The following AHCY variants were observed in gnomAD, a reference collection of about 807,000 sequenced individuals.
AHCY encodes the protein S-adenosyl-L-homocysteine hydrolase.
Under a neutral mutation model 45.4 loss-of-function variants are expected in AHCY, and 24 were observed. The ratio of observed to expected loss-of-function variants is 0.53; its 90% CI spans 0.38 to 0.74. The LOEUF is 0.74. Among genes scored for constraint, AHCY ranks in the 30% least tolerant of loss-of-function variants. The probability of loss-of-function intolerance (pLI) is 0.00; values close to 1 mark genes in which losing one functional copy is unlikely to be tolerated. For missense variants in AHCY, 449 were observed against 594.1 expected, an observed-to-expected ratio of 0.76 and a Z score of 2.54; for synonymous variants, 245 against 235.1, an observed-to-expected ratio of 1.04 and a Z score of -0.39.
chr20:34,291,373 G>C (rs1190921798), intron 5 of AHCY, 46 bp downstream of exon 5: 3 of 1,539,598 alleles, frequency 1.9e-6, no homozygotes, highest in Non-Finnish European at 2.7e-6. Context: ...GCCTCGTCCT[G>C]AGCTGCAGCC....
At chr20:34,235,917 A>G in the AHCY span, among the ~76,000 whole-genome samples, 2 of 131,074 alleles carry the variant, frequency 1.5e-5, no homozygotes, top group East Asian at 4.8e-4. Flanking sequence ...GAAGGAAGGA[A>G]GGAAGGAAGG....
chr20:34,238,554 T>C, the AHCY span, among the ~76,000 whole-genome samples: 4 of 152,174 alleles, frequency 2.6e-5, no homozygotes, highest in Admixed American at 2.6e-4. Context: ...CCCCTTTTGC[T>C]TGTACTTGTT....
chr20:34,252,244 C>G, the AHCY span, among the ~76,000 whole-genome samples: 1 of 152,192 alleles, frequency 6.6e-6, no homozygotes, highest in Non-Finnish European at 1.5e-5. Flanking sequence ...GCTCAGTATA[C>G]AGAGGACCCG....
At chr20:34,302,709 C>T in intron 1 of AHCY, 2 of 988,166 alleles carry the variant, frequency 2.0e-6, no homozygotes, top group Non-Finnish European at 2.4e-6. Context: ...GTGGGGGACC[C>T]CACAGGTTGG....
the AHCY span, among the ~76,000 whole-genome samples, chr20:34,269,976 A>AAAAC: frequency 7.1e-6 from 1 of 141,352 alleles, no homozygotes; most frequent in African/African-American, 2.7e-5. Flanking sequence ...AAAAAAAAAA[A>AAAAC]AAACAAGAAA....
intron 5 of AHCY, 33 bp downstream of exon 5, chr20:34,291,385 CT>C: frequency 6.3e-7 from 1 of 1,580,588 alleles, no homozygotes; most frequent in Admixed American, 1.7e-5. Context: ...GCTGCAGCCA[CT>C]GTAGCGGGAG....
At chr20:34,283,983 G>A (rs144526699) in intron 9 of AHCY, among the ~76,000 whole-genome samples, 11 of 151,930 alleles carry the variant, frequency 7.2e-5, no homozygotes, top group African/African-American at 2.6e-4. Context: ...CAGGGTAAGG[G>A]ACAAAGCAAA....
At position 34,310,259 on chromosome 20, in the gene AHCY, C is replaced by CT. The variant is rs1191429195; in HGVS notation, c.-57+1212dup. ...TATTTTTAATAGAGATGGGGTTTCA[C>CT]TATGTTGGCCAGGCTGGTCTTGAAC... On this transcript the variant is annotated intron_variant, in intron 1 of 9. Transcript: ENST00000538132. 6.6e-5 allele frequency among the ~76,000 whole-genome samples: 10 copies of CT among 152,258 alleles called. No individual in the cohort carries two copies. The East Asian group carries it at 1.9e-3, about 29-fold the overall frequency.
the AHCY span, among the ~76,000 whole-genome samples, chr20:34,258,581 G>A: frequency 1.9e-4 from 26 of 140,310 alleles, no homozygotes; most frequent in Admixed American, 2.0e-3. Flanking sequence ...AAGCTTGGAT[G>A]GAATTTATTA....
In AHCY at chr20:34,290,450, C is replaced by T; in HGVS notation, c.855-1G>A. 1 of 1,614,160 alleles carries T rather than the reference C, an allele frequency of 6.2e-7. No individual in the cohort carries two copies. The highest frequency in any genetic ancestry group is 8.5e-7 in the Non-Finnish European group (1 of 1,180,004). On this transcript the variant is annotated splice_acceptor_variant, in intron 7 of 9. Transcript: ENST00000217426. LOFTEE classifies it high-confidence loss of function. The surrounding 1 kb of genome is among the most constrained non-coding windows in gnomAD (Gnocchi z 4.5). Reference sequence around the variant, plus strand: ...ATCATCCTTCATCTGCTCAAAGTGCCTGTCAGGCAGCCCAAGACCGTGGGA... The same window carrying T: ...ATCATCCTTCATCTGCTCAAAGTGCTTGTCAGGCAGCCCAAGACCGTGGGA...
chr20:34,270,742 T>A, the AHCY span, among the ~76,000 whole-genome samples: 1 of 152,228 alleles, frequency 6.6e-6, no homozygotes, highest in African/African-American at 2.4e-5. Flanking sequence ...ACAGAGCTTA[T>A]GGGCCAGTGA....
rs780757492 is a variant in AHCY at position 34,290,605 on chromosome 20, T to G, written c.800A>C (p.Gln267Pro). The G allele has an allele frequency of 6.2e-7, 1 of 1,614,080 alleles. No individual in the cohort carries two copies. Among genetic ancestry groups the G allele is most frequent in the African/African-American group, 1.3e-5 (1 of 74,938 alleles). Residue 267 changes from glutamine (Q) to proline (P), a missense_variant, in exon 7 of 10, where the codon CAG (glutamine) becomes CCG (proline). Transcript: ENST00000217426. The surrounding 1 kb of genome is among the most constrained non-coding windows in gnomAD (Gnocchi z 4.5). The part of the protein sequence containing the change: ...YEVTTMDEAC[Q>P]EGNIFVTTTG... ...GGTGGTGACAAAGATGTTGCCCTCC[T>G]GACAGGCCTCATCCATGGTGGTCAC...
the AHCY span, among the ~76,000 whole-genome samples, chr20:34,256,158 G>A: frequency 2.6e-5 from 4 of 152,212 alleles, no homozygotes; most frequent in South Asian, 4.1e-4. Flanking sequence ...CTCTCTCTCC[G>A]CCTCGGCTGC....
chr20:34,260,325 C>T, the AHCY span: 1 of 1,586,776 alleles, frequency 6.3e-7, no homozygotes, highest in South Asian at 1.1e-5. Flanking sequence ...TACCATTACC[C>T]CTGACCCACC....
At chr20:34,240,077 T>C in the AHCY span, among the ~76,000 whole-genome samples, 2 of 151,858 alleles carry the variant, frequency 1.3e-5, no homozygotes, top group Non-Finnish European at 2.9e-5. Context: ...AGGTTGGGAG[T>C]TTTATTAGAG....
At position 34,285,423 on chromosome 20, in the gene AHCY, TAGA is replaced by T. The variant is rs766042035; in HGVS notation, c.1167+14_1167+16del. ...TAGACACGTGACCCTTGGCTTGAGG[TAGA>T]AGAATAAACCCACCTTCTTGGGCAG... On this transcript the variant is annotated intron_variant, in intron 9 of 9. Coordinates refer to ENST00000217426, the MANE Select transcript of AHCY (RefSeq NM_000687.4). 5.0e-5 allele frequency: 80 copies of T among 1,613,392 alleles called. 1 individual carries two copies. Among genetic ancestry groups the T allele is most frequent in the South Asian group, 2.3e-4 (21 of 90,992 alleles).
the AHCY span, among the ~76,000 whole-genome samples, chr20:34,253,849 G>A: frequency 2.6e-5 from 4 of 152,150 alleles, no homozygotes; most frequent in Non-Finnish European, 5.9e-5. Flanking sequence ...GATCTGACTC[G>A]TGTGTCTGGA....
chr20:34,303,282 T>C lies in AHCY; in HGVS notation c.-12A>G. ...AGTTTGTCAGACATGCTGGCGGCAC[T>C]CGTGATGGAAACGGGCGAAGGGGGC... On this transcript the variant is annotated 5_prime_UTR_variant, in exon 1 of 10. Transcript: ENST00000217426. 6.4e-7 allele frequency: 1 copy of C among 1,551,702 alleles called. No individual in the cohort carries two copies. The highest frequency in any genetic ancestry group is 8.7e-7 in the Non-Finnish European group (1 of 1,146,986).
At chr20:34,269,099 T>TG in the AHCY span, 1 of 1,568,170 alleles carries the variant, frequency 6.4e-7, no homozygotes, top group Non-Finnish European at 8.6e-7. Context: ...CTGCGACCCG[T>TG]GCGCCTCCTG....
Sources: allele counts gnomAD v4.1 joint callset (sites outside exome capture counted in the v4.1 genomes callset), GRCh38; gene constraint gnomAD v4.1.1; non-coding constraint Gnocchi (gnomAD v3.1); transcripts MANE v1.5; gene names NCBI Gene and HGNC (gene_info 2026-07-23, HGNC 2026-07-21).